Variants in CRACDL observed in about 807,000 individuals in gnomAD.
CRACDL encodes CRACD like.
A neutral mutation model predicts 70.6 loss-of-function variants in CRACDL; 26 were observed. That is an observed-to-expected ratio of 0.37 (90% confidence interval 0.27 to 0.51). The LOEUF (loss-of-function observed/expected upper bound fraction) is 0.51. Among genes scored for constraint, CRACDL ranks in the 20% least tolerant of loss-of-function variants. CRACDL has a pLI of 0.94. For missense variants in CRACDL, 1,283 were observed against 1,376.9 expected (o/e 0.93, Z 1.08); for synonymous variants, 618 against 615.2 (o/e 1.00, Z -0.07).
chr2:98,822,441 G>A lies in CRACDL; in HGVS notation c.1832C>T (p.Ala611Val). The A allele has an allele frequency of 6.7e-7, 1 of 1,483,110 alleles. No homozygotes were observed. Among genetic ancestry groups the A allele is most frequent in the Non-Finnish European group, 8.9e-7 (1 of 1,125,012 alleles). The allele number at this position is 1,483,110 out of a possible 1,614,324, so 91.9% of individuals were successfully genotyped here. A position where few individuals can be genotyped will look rare whatever the true frequency, so the allele number is the denominator to read the frequency against. The part of the protein sequence containing the change: ...ARSGPVWRSE[A>V]ALDDLQGLPE... ...GAGACCCTGGAGGTCGTCAAGAGCC[G>A]CCTCGCTCCTCCAGACCGGGCCGCT... Residue 611 changes from alanine to valine, a missense_variant, in exon 7 of 10, where the codon GCG (alanine) becomes GTG (valine). Ala to Val is a moderately conservative substitution (Grantham distance 64). Transcript: ENST00000397899. This position sits in a 1 kb window ranked among gnomAD's most constrained non-coding sequence, Gnocchi z 4.9.
chr2:98,874,785 G>C (rs1481012649), intron 1 of CRACDL, among the ~76,000 whole-genome samples: 1 of 152,162 alleles, frequency 6.6e-6, no homozygotes, highest in Non-Finnish European at 1.5e-5. Flanking sequence ...AGGCACAGGG[G>C]ACAAATGCTG....
chr2:98,846,264 A>G (rs1006819062), intron 2 of CRACDL, among the ~76,000 whole-genome samples: 4 of 152,226 alleles, frequency 2.6e-5, no homozygotes, highest in Non-Finnish European at 5.9e-5. Context: ...TCAGCAGACA[A>G]CATACTAAAG....
At chr2:98,935,746 G>C (rs1049538321) in intron 1 of CRACDL, among the ~76,000 whole-genome samples, 192 bp downstream of exon 1, 10 of 152,190 alleles carry the variant, frequency 6.6e-5, no homozygotes, top group Admixed American at 1.3e-4. Flanking sequence ...CTCCCCCTCG[G>C]CCGCAGGAGC....
At chr2:98,878,770 T>C (rs967319992) in intron 1 of CRACDL, among the ~76,000 whole-genome samples, 1 of 152,164 alleles carries the variant, frequency 6.6e-6, no homozygotes, top group Non-Finnish European at 1.5e-5. Context: ...GGCAAACGCA[T>C]GGCTGACTGA....
rs548095685 is a variant in CRACDL at position 98,900,894 on chromosome 2, G to A, written c.-11+35044C>T. 3.3e-5 allele frequency among the ~76,000 whole-genome samples: 5 copies of A among 152,276 alleles called. No individual in the cohort carries two copies. The South Asian group carries it at 6.2e-4, about 19-fold the overall frequency. ...GAGACTCCAGTGTGGCTGCGGGAGG[G>A]TGCCTCACCAGTGAAGGAGAAGGTC... On this transcript the variant is annotated intron_variant, in intron 1 of 9. Transcript: ENST00000397899.
chr2:98,822,224 G>A lies in CRACDL; in HGVS notation c.2049C>T (p.Pro683=), dbSNP rs372439503. ...AGAGGGAGGTGGACCGGAGCTTGAC[G>A]GGGAAGGGGTTTCTGTCCTCACTCG... The part of the protein sequence containing the change: ...PAPSEDRNPF[P]VKLRSTSLSL... The change falls in exon 7 of 10, where the codon CCC becomes CCT. Residue 683 remains proline, a synonymous_variant. Coordinates refer to ENST00000397899, the MANE Select transcript of CRACDL (RefSeq NM_207362.3). This position sits in a 1 kb window ranked among gnomAD's most constrained non-coding sequence, Gnocchi z 4.9. 2.5e-6 allele frequency: 4 copies of A among 1,606,940 alleles called. No individual in the cohort carries two copies. Among genetic ancestry groups the A allele is most frequent in the Middle Eastern group, 1.7e-4 (1 of 6,056 alleles).
intron 1 of CRACDL, among the ~76,000 whole-genome samples, chr2:98,848,949 C>T (rs772591190): frequency 3.2e-4 from 48 of 152,172 alleles, no homozygotes; most frequent in Admixed American, 2.8e-3. Context: ...GCAGATATGG[C>T]GTCTACACTC....
intron 7 of CRACDL, among the ~76,000 whole-genome samples, chr2:98,816,666 G>A (rs993755745): frequency 6.6e-6 from 1 of 152,120 alleles, no homozygotes; most frequent in Non-Finnish European, 1.5e-5. Flanking sequence ...AGGAGAGGTC[G>A]CTTTGTACTG....
chr2:98,806,241 G>T (rs926670099), intron 7 of CRACDL, among the ~76,000 whole-genome samples: 1 of 152,218 alleles, frequency 6.6e-6, no homozygotes, highest in African/African-American at 2.4e-5. Flanking sequence ...TACCTGCTTT[G>T]GGGATCTATT....
chr2:98,795,075 A>ATTTTTTTTTTTTTT lies in CRACDL; in HGVS notation c.2750-405_2750-404insAAAAAAAAAAAAAA, dbSNP rs1310155610. 1.6e-3 allele frequency among the ~76,000 whole-genome samples: 38 copies of ATTTTTTTTTTTTTT among 24,462 alleles called. 1 individual carries two copies. The highest frequency in any genetic ancestry group is 2.2e-3 in the African/African-American group (21 of 9,464). 16.0% of individuals were successfully genotyped at this position (24,462 alleles called of 152,430 possible). Reference sequence around the variant, plus strand: ...TATATATATATATATATATATATATATATTTTTTTTTTTTTTTGAGACAGA... The same window carrying ATTTTTTTTTTTTTT: ...TATATATATATATATATATATATATATTTTTTTTTTTTTTTATTTTTTTTTTTTTTTGAGACAGA... On this transcript the variant is annotated intron_variant, in intron 9 of 9. Coordinates refer to ENST00000397899, the MANE Select transcript of CRACDL (RefSeq NM_207362.3).
At chr2:98,847,956 A>G (rs1394029650) in intron 1 of CRACDL, among the ~76,000 whole-genome samples, 1 of 152,174 alleles carries the variant, frequency 6.6e-6, no homozygotes, top group Non-Finnish European at 1.5e-5. Context: ...CTACCAGCCA[A>G]TCCCTCAAAA....
intron 7 of CRACDL, among the ~76,000 whole-genome samples, chr2:98,816,929 A>T (rs1009181506): frequency 2.6e-5 from 4 of 152,240 alleles, no homozygotes; most frequent in Non-Finnish European, 5.9e-5. Flanking sequence ...TATTCACAAC[A>T]GCCAAGATGC....
At chr2:98,795,077 A>ATATATATATATTTTTTT in intron 9 of CRACDL, among the ~76,000 whole-genome samples, 81 of 58,384 alleles carry the variant, frequency 1.4e-3, no homozygotes, top group Non-Finnish European at 2.0e-3. Flanking sequence ...ATATATATAT[A>ATATATATATATTTTTTT]TTTTTTTTTT....
intron 7 of CRACDL, among the ~76,000 whole-genome samples, chr2:98,812,759 T>C (rs1299226662): frequency 1.3e-5 from 2 of 152,146 alleles, no homozygotes; most frequent in African/African-American, 2.4e-5. Context: ...ATATTCTAAA[T>C]ACTGGTCCTT....
chr2:98,795,077 A>ATATATTTTTTTTTTTTT, intron 9 of CRACDL, among the ~76,000 whole-genome samples: 5 of 58,506 alleles, frequency 8.5e-5, no homozygotes, highest in East Asian at 6.1e-4. Context: ...ATATATATAT[A>ATATATTTTTTTTTTTTT]TTTTTTTTTT....
chr2:98,871,026 C>A lies in CRACDL; in HGVS notation c.-10-24216G>T, dbSNP rs147023582. On this transcript the variant is annotated intron_variant, in intron 1 of 9. Coordinates refer to ENST00000397899, the MANE Select transcript of CRACDL (RefSeq NM_207362.3). ...GCAAGACACCTGCAGGCCTTGACAC[C>A]TCTCACTGCCCCTCCACCGCCTCCC... is the stretch of plus-strand genomic sequence containing the variant. Among the ~76,000 whole-genome samples, 76 of 152,346 alleles carry A rather than the reference C, an allele frequency of 5.0e-4. 2 individuals carry two copies. In the East Asian group the frequency reaches 0.013, roughly 27 times the overall value.
chr2:98,831,646 C>T (rs1393039689), intron 5 of CRACDL, among the ~76,000 whole-genome samples: 1 of 152,200 alleles, frequency 6.6e-6, no homozygotes, highest in Non-Finnish European at 1.5e-5. Context: ...AGTGTATGGG[C>T]ATTAAGTGTT....
chr2:98,846,381 T>C (rs74903532), intron 2 of CRACDL, among the ~76,000 whole-genome samples: 5,713 of 152,272 alleles, frequency 0.038, 199 homozygotes, highest in South Asian at 0.17. Flanking sequence ...CTCAGCTTCC[T>C]ACTGATGCCT....
At chr2:98,864,667 C>T (rs1707065084) in intron 1 of CRACDL, among the ~76,000 whole-genome samples, 1 of 152,060 alleles carries the variant, frequency 6.6e-6, no homozygotes, top group South Asian at 2.1e-4. Flanking sequence ...CTGCCCTAGC[C>T]TCTGGAGTAG....
Sources: allele counts gnomAD v4.1 joint callset (sites outside exome capture counted in the v4.1 genomes callset), GRCh38; gene constraint gnomAD v4.1.1; non-coding constraint Gnocchi (gnomAD v3.1); transcripts MANE v1.5; gene names NCBI Gene and HGNC (gene_info 2026-07-23, HGNC 2026-07-21).